The following PRKD3 variants were observed in gnomAD, a reference collection of about 807,000 sequenced individuals.
PRKD3 encodes the protein protein kinase D3.
In PRKD3, 47 loss-of-function variants were observed where a neutral mutation model predicts 99.2. The observed-to-expected ratio is 0.47, with a 90% CI of 0.38 to 0.60. The LOEUF is 0.60. PRKD3 is among the 20% of genes least tolerant of loss of function. PRKD3 has a pLI of 0.00. For missense variants in PRKD3, 1,019 were observed against 1,088.4 expected (o/e 0.94, Z 0.90); for synonymous variants, 392 against 355.4 (o/e 1.10, Z -1.16).
At chr2:37,305,928 C>T (rs983889987) in intron 2 of PRKD3, among the ~76,000 whole-genome samples, 4 of 152,154 alleles carry the variant, frequency 2.6e-5, no homozygotes, top group African/African-American at 9.7e-5. Flanking sequence ...TAGTTTCACA[C>T]CTGAGAAAAC....
At chr2:37,318,535 A>G (rs1051470150) in intron 1 of PRKD3, among the ~76,000 whole-genome samples, 2 of 152,222 alleles carry the variant, frequency 1.3e-5, no homozygotes, top group Non-Finnish European at 1.5e-5. Context: ...CGAAGAGAAC[A>G]AGGAACTAAG....
At chr2:37,268,196 T>C (rs1225395137) in intron 13 of PRKD3, 1 of 406,708 alleles carries the variant, frequency 2.5e-6, no homozygotes, top group South Asian at 1.9e-5. Flanking sequence ...CTTCTCTACA[T>C]AGCTATTTAT....
At chr2:37,308,868 C>T (rs538825156) in intron 2 of PRKD3, among the ~76,000 whole-genome samples, 4 of 152,040 alleles carry the variant, frequency 2.6e-5, no homozygotes, top group Admixed American at 2.6e-4. Flanking sequence ...CTCATGACTC[C>T]TTTGGCATAC....
At chr2:37,279,676 G>C in intron 8 of PRKD3, 70 bp downstream of exon 8, 1 of 1,229,764 alleles carries the variant, frequency 8.1e-7, no homozygotes, top group Non-Finnish European at 1.1e-6. Context: ...AAAGAGACGT[G>C]GCTTTTTCTT....
chr2:37,322,715 T>C (rs78787773), intron 1 of PRKD3, among the ~76,000 whole-genome samples: 1 of 152,186 alleles, frequency 6.6e-6, no homozygotes, highest in Non-Finnish European at 1.5e-5. Context: ...AAATATCTCA[T>C]AAGCACATTA....
chr2:37,292,069 G>C (rs901748488), intron 3 of PRKD3, among the ~76,000 whole-genome samples: 1 of 152,180 alleles, frequency 6.6e-6, no homozygotes, highest in Non-Finnish European at 1.5e-5. Context: ...AAAAGGGAAA[G>C]AGCATTTTTA....
At chr2:37,299,605 G>A (rs1286645333) in intron 2 of PRKD3, among the ~76,000 whole-genome samples, 1 of 151,444 alleles carries the variant, frequency 6.6e-6, no homozygotes, top group African/African-American at 2.4e-5. Context: ...ACAACCTACA[G>A]AATGGGAGAA....
In PRKD3 at chr2:37,259,584, T is replaced by C. The variant is rs773347162; in HGVS notation, c.2144A>G (p.Gln715Arg). Reference protein sequence around the residue: ...VLLASAEPFPQVKLCDFGFAR... With the variant: ...VLLASAEPFPRVKLCDFGFAR... Reference sequence around the variant, plus strand: ...AAAAGGTTCTGGAGAATATCTCACCTGAGGAAATGGCTCTGCTGATGCAAG... The same window carrying C: ...AAAAGGTTCTGGAGAATATCTCACCCGAGGAAATGGCTCTGCTGATGCAAG... The change falls in exon 16 of 19, where the codon CAG becomes CGG. Residue 715 changes from glutamine to arginine, a missense_variant and splice_region_variant. Gln to Arg is a conservative substitution (Grantham distance 43). This residue lies in a region of PRKD3 where 184 missense variants were observed against 275.1 expected (regional missense o/e 0.67). Coordinates refer to ENST00000234179, the MANE Select transcript of PRKD3 (RefSeq NM_005813.6). The C allele has an allele frequency of 3.7e-6, 6 of 1,605,680 alleles. No individual in the cohort carries two copies. In the African/African-American group the frequency reaches 4.0e-5, roughly 11 times the overall value.
chr2:37,270,701 G>A (rs1669191295), intron 12 of PRKD3, among the ~76,000 whole-genome samples: 1 of 152,184 alleles, frequency 6.6e-6, no homozygotes, highest in Non-Finnish European at 1.5e-5. Flanking sequence ...TATATGTTAA[G>A]TTGTAATTAA....
rs376990500 is a variant in PRKD3, at chr2:37,272,370, G to A, written c.1704+10C>T. 8.1e-6 allele frequency: 13 copies of A among 1,603,214 alleles called. No homozygotes were observed. The highest frequency in any genetic ancestry group is 1.3e-5 in the African/African-American group (1 of 74,142). On this transcript the variant is annotated intron_variant, in intron 12 of 18. Coordinates refer to ENST00000234179, the MANE Select transcript of PRKD3 (RefSeq NM_005813.6). ...ACCCAGTTTACACATTAGCTATAAC[G>A]ATTACTTACCACATTCTCCTGAATC...
intron 14 of PRKD3, among the ~76,000 whole-genome samples, chr2:37,262,797 G>A (rs956891014): frequency 6.6e-6 from 1 of 151,968 alleles, no homozygotes; most frequent in African/African-American, 2.4e-5. Flanking sequence ...TTCCTCTGGA[G>A]TATGTTTTAG....
chr2:37,254,550 C>T (rs557252383), intron 17 of PRKD3, among the ~76,000 whole-genome samples: 3 of 152,218 alleles, frequency 2.0e-5, no homozygotes, highest in African/African-American at 7.2e-5. Flanking sequence ...ACTGCCTGGG[C>T]TGAAGTCTGG....
chr2:37,269,338 C>A, intron 13 of PRKD3: 1 of 395,406 alleles, frequency 2.5e-6, no homozygotes, highest in South Asian at 2.8e-5. Context: ...ACCATCTCCC[C>A]CCCTGCCTCC....
Position 37,260,472 on chromosome 2 carries a change from C to T in PRKD3, c.1885-88G>A, listed in dbSNP as rs1668338123. 3.6e-5 allele frequency: 44 copies of T among 1,220,194 alleles called. No homozygotes were observed. In the South Asian group the frequency reaches 5.9e-4, roughly 16 times the overall value. The allele number at this position is 1,220,194 out of a possible 1,614,324, so 75.6% of individuals were successfully genotyped here. ...GATGTGCTATGATTGTCTGAAATGGCACAGAAAGAAAGCCTAGAGAAGTAA... is the reference window on the plus strand; with the variant it reads ...GATGTGCTATGATTGTCTGAAATGGTACAGAAAGAAAGCCTAGAGAAGTAA... On this transcript the variant is annotated intron_variant, in intron 14 of 18. Coordinates refer to ENST00000234179, the MANE Select transcript of PRKD3 (RefSeq NM_005813.6).
chr2:37,278,729 G>C (rs1178063209), intron 8 of PRKD3: 1 of 152,260 alleles, frequency 6.6e-6, no homozygotes, highest in Non-Finnish European at 1.5e-5. Context: ...ACAAGGTCAA[G>C]AGATCGAGAC....
chr2:37,298,626 T>C (rs1670776987), intron 2 of PRKD3, among the ~76,000 whole-genome samples: 1 of 152,174 alleles, frequency 6.6e-6, no homozygotes, highest in African/African-American at 2.4e-5. Flanking sequence ...GTTTTCATTG[T>C]AGAGATCTTT....
At chr2:37,309,331 A>G (rs1445024753) in intron 2 of PRKD3, among the ~76,000 whole-genome samples, 2 of 152,158 alleles carry the variant, frequency 1.3e-5, no homozygotes, top group Non-Finnish European at 2.9e-5. Flanking sequence ...AACTGTTCCT[A>G]TCCCTTTAGA....
chr2:37,290,730 G>C, intron 4 of PRKD3, 138 bp downstream of exon 4: 2 of 882,480 alleles, frequency 2.3e-6, no homozygotes, highest in African/African-American at 3.4e-5. Context: ...GAGATAAAAT[G>C]AGAGTCCTGA....
At chr2:37,254,388 G>T in intron 17 of PRKD3, 99 bp from the exon 18 acceptor site, 1 of 855,948 alleles carries the variant, frequency 1.2e-6, no homozygotes, top group Non-Finnish European at 1.9e-6. Context: ...GAAATACAGG[G>T]TTGAGGAATT....
Sources: gnomAD v4.1 joint callset for allele counts (sites outside exome capture counted in the v4.1 genomes callset) on GRCh38, gnomAD v4.1.1 for gene constraint, gnomAD v4.1.1 regional missense constraint, MANE v1.5 for transcripts, NCBI Gene and HGNC (gene_info 2026-07-23, HGNC 2026-07-21) for gene names.